Variants in TASOR2 observed in about 807,000 individuals in gnomAD.
TASOR2 encodes protein TASOR 2.
A neutral mutation model predicts 199.5 loss-of-function variants in TASOR2; 84 were observed. The observed-to-expected ratio is 0.42, with a 90% CI of 0.35 to 0.50. TASOR2 has a LOEUF of 0.50. Among genes scored for constraint, TASOR2 ranks in the 20% least tolerant of loss-of-function variants. TASOR2 has a pLI of 0.02. For missense variants in TASOR2, 2,796 were observed against 2,835.9 expected (o/e 0.99, Z 0.32); for synonymous variants, 1,103 against 1,046.6 (o/e 1.05, Z -1.04).
Position 5,752,458 on chromosome 10 carries a change from C to T in TASOR2, c.6606+2431C>T, listed in dbSNP as rs900643637. Among the ~76,000 whole-genome samples the T allele has an allele frequency of 1.3e-5, 2 of 152,172 alleles. No homozygotes were observed. Among genetic ancestry groups the T allele is most frequent in the African/African-American group, 4.8e-5 (2 of 41,460 alleles). ...ACATGAGGGGCCTGCAGGCCACGTG[C>T]AGGCCGTGTGTCGGCTCCACATGCC... is the stretch of plus-strand genomic sequence containing the variant. On this transcript the variant is annotated intron_variant, in intron 15 of 20. Coordinates refer to ENST00000328090, the Ensembl canonical transcript of TASOR2. The surrounding 1 kb of genome is among the most constrained non-coding windows in gnomAD (Gnocchi z 4.4).
rs972236861 is a variant in TASOR2 at position 5,755,025 on chromosome 10, A to C, written c.6607-1588A>C. ...CGCGCCACTGCACTCCAGCCTGGGC[A>C]ACAGAGCAAGACTCTTGTCTCAAAA... is the stretch of plus-strand genomic sequence containing the variant. On this transcript the variant is annotated intron_variant, in intron 15 of 20. Coordinates refer to ENST00000328090, the Ensembl canonical transcript of TASOR2. Among the ~76,000 whole-genome samples, 3 of 143,918 alleles carry C rather than the reference A, an allele frequency of 2.1e-5. No individual in the cohort carries two copies. In the South Asian group the frequency reaches 6.9e-4, roughly 33 times the overall value. 94.4% of individuals were successfully genotyped at this position (143,918 alleles called of 152,430 possible).
At chr10:5,726,935 A>G (rs775589935) in exon 9 of TASOR2, 10 of 1,614,116 alleles carry the variant, frequency 6.2e-6, no homozygotes, top group Non-Finnish European at 7.6e-6. Context: ...TACTTACATC[A>G]TCAGCCTTAC....
Position 5,742,253 on chromosome 10 carries a change from C to G in TASOR2, c.2484C>G (p.Ser828Arg). The G allele has an allele frequency of 4.3e-6, 7 of 1,614,144 alleles. No homozygotes were observed. Among genetic ancestry groups the G allele is most frequent in the Non-Finnish European group, 5.9e-6 (7 of 1,180,024 alleles). Reference sequence around the variant, plus strand: ...CAGCAAAATATGTGTCTATAAATAGCACGTTAGAATCTTGTGAGCTCCGTG... The same window carrying G: ...CAGCAAAATATGTGTCTATAAATAGGACGTTAGAATCTTGTGAGCTCCGTG... The change falls in exon 14 of 21, where the codon AGC becomes AGG. Residue 828 changes from serine (S) to arginine (R), a missense_variant. Physicochemically the swap from Ser to Arg is moderately radical, Grantham distance 110. Around this residue, in one of 3 missense-constraint regions of TASOR2, gnomAD observed 1,941 missense variants for 1,924.9 expected, o/e 1.01. Coordinates refer to ENST00000328090, the Ensembl canonical transcript of TASOR2. This position sits in a 1 kb window ranked among gnomAD's most constrained non-coding sequence, Gnocchi z 4.2.
chr10:5,730,458 G>C lies in TASOR2; in HGVS notation c.488-29G>C. On this transcript the variant is annotated intron_variant, in intron 10 of 20. Transcript: ENST00000328090. This position sits in a 1 kb window ranked among gnomAD's most constrained non-coding sequence, Gnocchi z 4.1. ...TTTTGTTTTTAAAAAATAAACTTCA[G>C]ATGTTTAATACGTGTGTATATATTC... 7.0e-7 allele frequency: 1 copy of C among 1,436,782 alleles called. No individual in the cohort carries two copies. Among genetic ancestry groups the C allele is most frequent in the Non-Finnish European group, 9.3e-7 (1 of 1,075,442 alleles). The allele number at this position is 1,436,782 out of a possible 1,614,324, so 89.0% of individuals were successfully genotyped here.
At chr10:5,696,761 A>T (rs1588600107) in intron 1 of TASOR2, among the ~76,000 whole-genome samples, 1 of 152,364 alleles carries the variant, frequency 6.6e-6, no homozygotes, top group East Asian at 1.9e-4. Flanking sequence ...AGGAAATAAA[A>T]GGAGCTGAGT....
chr10:5,691,105 C>G (rs867076235), intron 1 of TASOR2, among the ~76,000 whole-genome samples: 1 of 151,142 alleles, frequency 6.6e-6, no homozygotes, highest in South Asian at 2.1e-4. Context: ...GTGGGGGAAT[C>G]GCTTGAACCT....
At chr10:5,717,700 C>A in exon 3 of TASOR2, 1 of 1,225,976 alleles carries the variant, frequency 8.2e-7, no homozygotes, top group Non-Finnish European at 1.0e-6. Context: ...TCATTCAAGA[C>A]CATGGTATCA....
intron 1 of TASOR2, among the ~76,000 whole-genome samples, chr10:5,707,654 T>TTC (rs55766705): frequency 0.27 from 36,366 of 135,628 alleles, 5,419 homozygotes; most frequent in Non-Finnish European, 0.34. Flanking sequence ...CTCATTCTCT[T>TTC]TCTCTCTCTC....
chr10:5,720,326 T>C lies in TASOR2; in HGVS notation c.-99-218T>C. ...TACTAAGCCATCTTCTGGCTATGATTGCCACGTGTCTGAAAATACTAACAA... is the reference window on the plus strand; with the variant it reads ...TACTAAGCCATCTTCTGGCTATGATCGCCACGTGTCTGAAAATACTAACAA... On this transcript the variant is annotated intron_variant, in intron 3 of 20. Transcript: ENST00000328090. The surrounding 1 kb of genome is among the most constrained non-coding windows in gnomAD (Gnocchi z 5.3). The C allele has an allele frequency of 1.0e-6, 1 of 985,386 alleles. No homozygotes were observed. Among genetic ancestry groups the C allele is most frequent in the Non-Finnish European group, 1.2e-6 (1 of 829,880 alleles). The allele number at this position is 985,386 out of a possible 1,614,324, so 61.0% of individuals were successfully genotyped here. A position where few individuals can be genotyped will look rare whatever the true frequency, so the allele number is the denominator to read the frequency against.
rs1263859857 is a variant in TASOR2, at chr10:5,761,540, T to C, written c.7174+69T>C. 3.6e-6 allele frequency: 5 copies of C among 1,380,250 alleles called. No homozygotes were observed. In the Admixed American group the frequency reaches 5.5e-5, roughly 15 times the overall value. 85.5% of individuals were successfully genotyped at this position (1,380,250 alleles called of 1,614,324 possible). On this transcript the variant is annotated intron_variant, in intron 19 of 20. Coordinates refer to ENST00000328090, the Ensembl canonical transcript of TASOR2. ...CAGCTCTAGGAATGTCAAAGTTAGATACCTGATGAAGAGTATCAGGTATCT... is the reference window on the plus strand; with the variant it reads ...CAGCTCTAGGAATGTCAAAGTTAGACACCTGATGAAGAGTATCAGGTATCT...
rs931356327 is a variant in TASOR2, at chr10:5,711,257, G to A, written c.-287-1566G>A. Among the ~76,000 whole-genome samples, 25 of 152,116 alleles carry A rather than the reference G, an allele frequency of 1.6e-4. 1 individual carries two copies. Among genetic ancestry groups the A allele is most frequent in the African/African-American group, 5.8e-4 (24 of 41,532 alleles). ...TAGTCTAAATTTAGCTTACTAAAAT[G>A]TTTGCTTTCATTTCTGAGATAGTCT... On this transcript the variant is annotated intron_variant, in intron 1 of 20. Transcript: ENST00000328090.
intron 6 of TASOR2, among the ~76,000 whole-genome samples, chr10:5,721,643 T>G (rs1448842252): frequency 6.6e-6 from 1 of 152,204 alleles, no homozygotes; most frequent in Non-Finnish European, 1.5e-5. Flanking sequence ...TTCTTCCTCA[T>G]TATAGAGTGC....
At position 5,755,952 on chromosome 10, in the gene TASOR2, A is replaced by T. The variant is rs148514197; in HGVS notation, c.6607-661A>T. Among the ~76,000 whole-genome samples, 188 of 152,178 alleles carry T rather than the reference A, an allele frequency of 1.2e-3. 3 individuals carry two copies. In the East Asian group the frequency reaches 0.027, roughly 22 times the overall value. On this transcript the variant is annotated intron_variant, in intron 15 of 20. Coordinates refer to ENST00000328090, the Ensembl canonical transcript of TASOR2. The stretch of plus-strand genomic sequence containing the variant: ...AGCTGCAGTGAGCTATGTTCGTTTC[A>T]CTTTACTGCAGCCTGGGTGACAGAG...
chr10:5,763,397 C>T (rs925637154), exon 21 of TASOR2: 7 of 169,232 alleles, frequency 4.1e-5, no homozygotes, highest in South Asian at 1.6e-4. Context: ...GAAAGGCATA[C>T]GATGCACATT....
Position 5,742,571 on chromosome 10 carries a change from G to GA in TASOR2, c.2757+52dup, listed in dbSNP as rs753163433. 9 of 1,526,348 alleles carry GA rather than the reference G, an allele frequency of 5.9e-6. No individual in the cohort carries two copies. The highest frequency in any genetic ancestry group is 8.0e-6 in the Non-Finnish European group (9 of 1,127,064). 94.6% of individuals were successfully genotyped at this position (1,526,348 alleles called of 1,614,324 possible). A position where few individuals can be genotyped will look rare whatever the true frequency, so the allele number is the denominator to read the frequency against. On this transcript the variant is annotated intron_variant, in intron 14 of 20. Coordinates refer to ENST00000328090, the Ensembl canonical transcript of TASOR2. This position sits in a 1 kb window ranked among gnomAD's most constrained non-coding sequence, Gnocchi z 4.2. ...GTTAAATGTTGGCATTATTTTTGAA[G>GA]AAAAAAATGTTTATATGTAAAATCA...
At position 5,699,793 on chromosome 10, in the gene TASOR2, C is replaced by A; in HGVS notation, c.-287-13030C>A. ...GCAAAGAAAGAAAACAAAAGATAGA[C>A]AGGAGAAAAATGAGTAAAACAGGTA... On this transcript the variant is annotated intron_variant, in intron 1 of 20. Transcript: ENST00000328090. This position sits in a 1 kb window ranked among gnomAD's most constrained non-coding sequence, Gnocchi z 4.1. 1.1e-6 allele frequency: 1 copy of A among 882,976 alleles called. No homozygotes were observed. Among genetic ancestry groups the A allele is most frequent in the Non-Finnish European group, 1.4e-6 (1 of 736,920 alleles). The allele number at this position is 882,976 out of a possible 1,614,324, so 54.7% of individuals were successfully genotyped here.
At chr10:5,757,627 A>C (rs770659134) in exon 17 of TASOR2, 3 of 1,613,952 alleles carry the variant, frequency 1.9e-6, no homozygotes, top group East Asian at 2.2e-5. Context: ...TTCGTGCAGG[A>C]GGCTTTGTGA....
rs1840048598 is a variant in TASOR2, at chr10:5,762,515, T to TTTG, written c.7175-15_7175-14insGTT. The TTTG allele has an allele frequency of 3.3e-6, 2 of 599,658 alleles. No homozygotes were observed. The highest frequency in any genetic ancestry group is 2.0e-5 in the African/African-American group (1 of 50,730). The allele number at this position is 599,658 out of a possible 1,614,324, so 37.1% of individuals were successfully genotyped here. ...TAATTATATTAACCAAAAGTTGTTT[T>TTTG]TTTTTTTTTTTAACAGACAAGCCTA... On this transcript the variant is annotated splice_polypyrimidine_tract_variant and intron_variant, in intron 19 of 20. Transcript: ENST00000328090.
intron 18 of TASOR2, 95 bp from the exon 20 acceptor site, chr10:5,761,194 AG>A: frequency 9.8e-7 from 1 of 1,016,062 alleles, no homozygotes; most frequent in Non-Finnish European, 1.4e-6. Context: ...AGAAAGGCAG[AG>A]GAACTCATGA....
Sources: allele counts gnomAD v4.1 joint callset (sites outside exome capture counted in the v4.1 genomes callset), GRCh38; gene constraint gnomAD v4.1.1; regional missense constraint gnomAD v4.1.1; non-coding constraint Gnocchi (gnomAD v3.1); transcripts MANE v1.5; gene names NCBI Gene and HGNC (gene_info 2026-07-23, HGNC 2026-07-21).